The following EHMT2 variants were observed in gnomAD, a reference collection of about 807,000 sequenced individuals.
EHMT2 encodes euchromatic histone lysine methyltransferase 2.
EHMT2 carries 59 observed loss-of-function variants against 143.3 expected under a neutral mutation model. The observed-to-expected ratio is 0.41, with a 90% CI of 0.33 to 0.51. The LOEUF (loss-of-function observed/expected upper bound fraction) is 0.51. EHMT2 is among the 20% of genes least tolerant of loss of function. The pLI, the probability that EHMT2 is intolerant of heterozygous loss-of-function variation, is 0.18. For synonymous variants in EHMT2, 604 were observed against 651.5 expected, an observed-to-expected ratio of 0.93 and a Z score of 1.11; for missense variants, 1,174 against 1,645.9, an observed-to-expected ratio of 0.71 and a Z score of 4.96.
chr6:31,888,300 T>G lies in EHMT2; in HGVS notation c.1510-24A>C. The G allele has an allele frequency of 6.2e-7, 1 of 1,612,262 alleles. No individual in the cohort carries two copies. The highest frequency in any genetic ancestry group is 8.5e-7 in the Non-Finnish European group (1 of 1,179,590). On this transcript the variant is annotated intron_variant, in intron 12 of 27. Transcript: ENST00000375537. This position sits in a 1 kb window ranked among gnomAD's most constrained non-coding sequence, Gnocchi z 7.4. ...CCCTGGGAGCAGGGAAACGACATGG[T>G]CAGGTTACTGGGGCCCCCTCTGCCA...
rs773639172 is a variant in EHMT2 at position 31,883,779 on chromosome 6, T to C, written c.2916+27A>G. The C allele has an allele frequency of 6.2e-7, 1 of 1,610,106 alleles. No homozygotes were observed. Among genetic ancestry groups the C allele is most frequent in the South Asian group, 1.1e-5 (1 of 90,968 alleles). ...TACTTGGCAGCTCTCGGTGTCCTTTTGGGGAGGCCCCGGGCCCCCTACTCA... is the reference window on the plus strand; with the variant it reads ...TACTTGGCAGCTCTCGGTGTCCTTTCGGGGAGGCCCCGGGCCCCCTACTCA... On this transcript the variant is annotated intron_variant, in intron 22 of 27. Coordinates refer to ENST00000375537, the Ensembl canonical transcript of EHMT2. This position sits in a 1 kb window ranked among gnomAD's most constrained non-coding sequence, Gnocchi z 5.6.
chr6:31,885,715 A>T (rs1482061420), intron 18 of EHMT2: 1 of 152,134 alleles, frequency 6.6e-6, no homozygotes, highest in Non-Finnish European at 1.5e-5. Context: ...GTGACATAGC[A>T]AGACCCTGTC....
Position 31,887,118 on chromosome 6 carries a change from C to T in EHMT2, c.2012-17G>A. 1 of 1,583,580 alleles carries T rather than the reference C, an allele frequency of 6.3e-7. No homozygotes were observed. The highest frequency in any genetic ancestry group is 8.6e-7 in the Non-Finnish European group (1 of 1,160,678). The stretch of plus-strand genomic sequence containing the variant: ...GGTTGTCCACTGCGGGGAGAGCCCG[C>T]CACACCGGGAGAGGGAGGGACAAGT... On this transcript the variant is annotated splice_polypyrimidine_tract_variant and intron_variant, in intron 15 of 27. Coordinates refer to ENST00000375537, the Ensembl canonical transcript of EHMT2.
At chr6:31,896,143 C>A in intron 4 of EHMT2, 120 bp downstream of exon 4, 1 of 1,397,996 alleles carries the variant, frequency 7.2e-7, no homozygotes, top group Non-Finnish European at 9.7e-7. Flanking sequence ...ATATTTGACA[C>A]ACAGCAGCCC....
At chr6:31,891,520 G>A (rs1765683346) in intron 7 of EHMT2, among the ~76,000 whole-genome samples, 1 of 152,242 alleles carries the variant, frequency 6.6e-6, no homozygotes, top group Non-Finnish European at 1.5e-5. Flanking sequence ...TGTGCTGGGA[G>A]ATGTACAGAT....
At chr6:31,894,152 G>GA (rs1562514244) in intron 4 of EHMT2, among the ~76,000 whole-genome samples, 1 of 141,952 alleles carries the variant, frequency 7.0e-6, no homozygotes, top group African/African-American at 2.6e-5. Flanking sequence ...TTTTTGTTTT[G>GA]TTTTTTTTTT....
rs750311010 is a variant in EHMT2, at chr6:31,880,282, G to A, written c.3453-18C>T. On this transcript the variant is annotated intron_variant, in intron 27 of 27. Transcript: ENST00000375537. This position sits in a 1 kb window ranked among gnomAD's most constrained non-coding sequence, Gnocchi z 6.6. ...AGTCAAACCTGTCAGAGGAAAACAG[G>A]AGCTTGTGGGACCTGGACCCAGCCA... 2 of 1,604,084 alleles carry A rather than the reference G, an allele frequency of 1.2e-6. No individual in the cohort carries two copies. Among genetic ancestry groups the A allele is most frequent in the Non-Finnish European group, 8.5e-7 (1 of 1,172,956 alleles).
chr6:31,888,725 C>G lies in EHMT2; in HGVS notation c.1239G>C (p.Ser413=). Residue 413 remains serine, a synonymous_variant, in exon 11 of 28, where the codon TCG becomes TCC. Transcript: ENST00000375537. The surrounding 1 kb of genome is among the most constrained non-coding windows in gnomAD (Gnocchi z 7.4). ...CCTCAAACCCTCGCTCTGTCTCCAG[C>G]GAAGATGTGTCATTGGACACCCCTT... 19 of 1,613,444 alleles carry G rather than the reference C, an allele frequency of 1.2e-5. No individual in the cohort carries two copies. Among genetic ancestry groups the G allele is most frequent in the African/African-American group, 2.7e-5 (2 of 75,036 alleles).
Position 31,880,479 on chromosome 6 carries a change from T to A in EHMT2, c.3452+194A>T. On this transcript the variant is annotated intron_variant, in intron 27 of 27. Transcript: ENST00000375537. The surrounding 1 kb of genome is among the most constrained non-coding windows in gnomAD (Gnocchi z 6.6). ...AGAATCCTGGGCCCCATCCCAAGCC[T>A]ACTGATTCAAAATCTCTCTGGGAGG... 1.2e-6 allele frequency: 1 copy of A among 834,196 alleles called. No individual in the cohort carries two copies. Among genetic ancestry groups the A allele is most frequent in the Non-Finnish European group, 1.8e-6 (1 of 550,432 alleles). The allele number at this position is 834,196 out of a possible 1,614,324, so 51.7% of individuals were successfully genotyped here.
At position 31,883,286 on chromosome 6, in the gene EHMT2, A is replaced by G; in HGVS notation, c.2994+76T>C. ...GGTAGGAGGTGAGGGACATGGTCCC[A>G]GGGAGCTGGTTTATTGGAGGCTGGC... On this transcript the variant is annotated intron_variant, in intron 23 of 27. Coordinates refer to ENST00000375537, the Ensembl canonical transcript of EHMT2. This position sits in a 1 kb window ranked among gnomAD's most constrained non-coding sequence, Gnocchi z 5.6. 3 of 1,449,364 alleles carry G rather than the reference A, an allele frequency of 2.1e-6. No homozygotes were observed. The highest frequency in any genetic ancestry group is 2.9e-6 in the Non-Finnish European group (3 of 1,040,306). The allele number at this position is 1,449,364 out of a possible 1,614,324, so 89.8% of individuals were successfully genotyped here.
Position 31,881,304 on chromosome 6 carries a change from A to G in EHMT2, c.3198-212T>C. 3 of 619,022 alleles carry G rather than the reference A, an allele frequency of 4.8e-6. No homozygotes were observed. The highest frequency in any genetic ancestry group is 8.7e-6 in the Non-Finnish European group (3 of 345,420). 38.3% of individuals were successfully genotyped at this position (619,022 alleles called of 1,614,324 possible). A position where few individuals can be genotyped will look rare whatever the true frequency, so the allele number is the denominator to read the frequency against. On this transcript the variant is annotated intron_variant, in intron 25 of 27. Transcript: ENST00000375537. The surrounding 1 kb of genome is among the most constrained non-coding windows in gnomAD (Gnocchi z 4.8). The stretch of plus-strand genomic sequence containing the variant: ...GCCTTCAGTCAGCACAGAGACAGAC[A>G]ACAAGCTCTGTGGTTAAGGGGATTA...
chr6:31,887,254 T>G lies in EHMT2; in HGVS notation c.2012-153A>C, dbSNP rs1485899911. On this transcript the variant is annotated intron_variant, in intron 15 of 27. Coordinates refer to ENST00000375537, the Ensembl canonical transcript of EHMT2. ...TCCGAGCTTGCCTCCACCACAGCATTTATCAGAATAAGGAGTCAAAGGCAT... is the reference window on the plus strand; with the variant it reads ...TCCGAGCTTGCCTCCACCACAGCATGTATCAGAATAAGGAGTCAAAGGCAT... 7 of 669,164 alleles carry G rather than the reference T, an allele frequency of 1.0e-5. No homozygotes were observed. The East Asian group carries it at 1.9e-4, about 18-fold the overall frequency. 41.5% of individuals were successfully genotyped at this position (669,164 alleles called of 1,614,324 possible). A position where few individuals can be genotyped will look rare whatever the true frequency, so the allele number is the denominator to read the frequency against.
In EHMT2 at chr6:31,884,087, C is replaced by A. The variant is rs1338569672; in HGVS notation, c.2772-137G>T. On this transcript the variant is annotated intron_variant, in intron 21 of 27. Transcript: ENST00000375537. This position sits in a 1 kb window ranked among gnomAD's most constrained non-coding sequence, Gnocchi z 7.3. ...GGTTGCCAGGTAAGATGCAGGACAG[C>A]GAGTTAACATAGAATTTTAGATAAA... The A allele has an allele frequency of 2.7e-5, 26 of 953,126 alleles. No homozygotes were observed. Among genetic ancestry groups the A allele is most frequent in the Non-Finnish European group, 3.6e-5 (24 of 659,170 alleles). 59.0% of individuals were successfully genotyped at this position (953,126 alleles called of 1,614,324 possible).
rs1764469776 is a variant in EHMT2 at position 31,884,026 on chromosome 6, T to C, written c.2772-76A>G. 1.0e-5 allele frequency: 16 copies of C among 1,535,684 alleles called. No homozygotes were observed. Among genetic ancestry groups the C allele is most frequent in the African/African-American group, 5.5e-5 (4 of 72,970 alleles). On this transcript the variant is annotated intron_variant, in intron 21 of 27. Transcript: ENST00000375537. This position sits in a 1 kb window ranked among gnomAD's most constrained non-coding sequence, Gnocchi z 7.3. ...GCTACTCCAGGTATAAGGAAGAGAG[T>C]TGGGGAGGTTCCTGGGGCTGGGGGC...
chr6:31,882,373 T>A (rs1402721015), intron 25 of EHMT2, among the ~76,000 whole-genome samples: 1 of 152,006 alleles, frequency 6.6e-6, no homozygotes, highest in East Asian at 1.9e-4. Flanking sequence ...CCCAAGTCTG[T>A]TTGTCTCCCA....
rs1408568645 is a variant in EHMT2 at position 31,888,743 on chromosome 6, C to T, written c.1221G>A (p.Val407=). 1 of 1,612,928 alleles carries T rather than the reference C, an allele frequency of 6.2e-7. No homozygotes were observed. The highest frequency in any genetic ancestry group is 8.5e-7 in the Non-Finnish European group (1 of 1,179,970). Residue 407 remains valine (V), a synonymous_variant, in exon 11 of 28, where the codon GTG becomes GTA. Coordinates refer to ENST00000375537, the Ensembl canonical transcript of EHMT2. The surrounding 1 kb of genome is among the most constrained non-coding windows in gnomAD (Gnocchi z 7.4). ...TCTCCAGCGAAGATGTGTCATTGGA[C>T]ACCCCTTGGATGGAGGAAAAGAGGA...
rs531972233 is a variant in EHMT2 at position 31,892,742 on chromosome 6, A to G, written c.668-8T>C. On this transcript the variant is annotated splice_region_variant and splice_polypyrimidine_tract_variant and intron_variant, in intron 5 of 27. Transcript: ENST00000375537. ...TCCTCCTTTTGGCCAGATCTGGAAG[A>G]AGAGAGAGAATGGTGTGGGGCCTAT... is the stretch of plus-strand genomic sequence containing the variant. 9.9e-6 allele frequency: 16 copies of G among 1,613,086 alleles called. No homozygotes were observed. The highest frequency in any genetic ancestry group is 5.5e-5 in the South Asian group (5 of 91,088).
exon 18 of EHMT2, chr6:31,886,592 C>T (rs1249133745): frequency 1.9e-6 from 3 of 1,612,358 alleles, no homozygotes; most frequent in Non-Finnish European, 1.7e-6. Context: ...TGGGCGTTGA[C>T]GTCCACCTGT....
At chr6:31,896,580 A>AT in intron 3 of EHMT2, 26 bp downstream of exon 3, 1 of 1,586,792 alleles carries the variant, frequency 6.3e-7, no homozygotes, top group Non-Finnish European at 8.6e-7. Flanking sequence ...TTTCCCACCA[A>AT]CCCCCCAGGC....
Sources: gnomAD v4.1 joint callset for allele counts (sites outside exome capture counted in the v4.1 genomes callset) on GRCh38, gnomAD v4.1.1 for gene constraint, Gnocchi (gnomAD v3.1) non-coding constraint, MANE v1.5 for transcripts, NCBI Gene and HGNC (gene_info 2026-07-23, HGNC 2026-07-21) for gene names.